The following GRB10 variants were observed in gnomAD, a reference collection of about 807,000 sequenced individuals.
GRB10 encodes the protein growth factor receptor bound protein 10, also known as growth factor receptor-bound protein 10.
A neutral mutation model predicts 80.9 loss-of-function variants in GRB10; 20 were observed. That is an observed-to-expected ratio of 0.25 (90% CI 0.17 to 0.36). The LOEUF (loss-of-function observed/expected upper bound fraction) is 0.36, where lower values mean the gene tolerates loss of function less well. Among genes scored for constraint, GRB10 ranks in the 10% least tolerant of loss-of-function variants. GRB10 has a pLI of 1.00. For missense variants in GRB10, 548 were observed against 747.7 expected, an observed-to-expected ratio of 0.73 and a Z score of 3.12; for synonymous variants, 291 against 291.5, an observed-to-expected ratio of 1.00 and a Z score of 0.02.
chr7:50,764,121 C>T lies in GRB10; in HGVS notation c.-216-8065G>A, dbSNP rs528257015. Among the ~76,000 whole-genome samples the T allele has an allele frequency of 2.0e-5, 3 of 151,868 alleles. No individual in the cohort carries two copies. The East Asian group carries it at 5.8e-4, about 29-fold the overall frequency. ...GCCTTGTATTTGGAATTTTTTCAAA[C>T]ACCTGTGGCCCCAGCTGCCTTCCAC... On this transcript the variant is annotated intron_variant, in intron 2 of 18. Transcript: ENST00000401949.
intron 1 of GRB10, chr7:50,792,621 C>A: frequency 2.5e-6 from 1 of 397,006 alleles, no homozygotes; most frequent in African/African-American, 2.1e-5. Context: ...TAGGCCCCAG[C>A]GGCGGCTAAC....
chr7:50,729,254 T>C (rs747378830), intron 4 of GRB10: 1 of 152,194 alleles, frequency 6.6e-6, no homozygotes, highest in African/African-American at 2.4e-5. Context: ...ACTATGAAAA[T>C]AAAAACATTG....
At chr7:50,697,363 A>C (rs969871203) in intron 5 of GRB10, among the ~76,000 whole-genome samples, 1 of 152,212 alleles carries the variant, frequency 6.6e-6, no homozygotes, top group Non-Finnish European at 1.5e-5. Context: ...GCTATTGCAA[A>C]ACCACCCCCT....
intron 3 of GRB10, among the ~76,000 whole-genome samples, chr7:50,751,110 G>T (rs79565300): frequency 0.012 from 1,757 of 152,116 alleles, 13 homozygotes; most frequent in Middle Eastern, 0.054. Flanking sequence ...TCCCAGCCTC[G>T]ACTTGCCTTG....
intron 15 of GRB10, chr7:50,604,902 C>G: frequency 3.3e-6 from 1 of 299,364 alleles, no homozygotes; most frequent in Non-Finnish European, 6.3e-6. Flanking sequence ...GGGAGTGGCC[C>G]AAGGCCTCCA....
At chr7:50,728,732 A>G (rs6593139) in intron 4 of GRB10, among the ~76,000 whole-genome samples, 142,723 of 152,210 alleles carry the variant, frequency 0.94, 67,028 homozygotes, top group African/African-American at 0.98. Context: ...ATGCAGTGGC[A>G]CGATCTTGGC....
chr7:50,603,366 T>C lies in GRB10; in HGVS notation c.1544+632A>G, dbSNP rs146944083. Among the ~76,000 whole-genome samples the C allele has an allele frequency of 3.8e-3, 580 of 152,344 alleles. 4 individuals carry two copies. Among genetic ancestry groups the C allele is most frequent in the Admixed American group, 7.9e-3 (121 of 15,292 alleles). ...AACGGGATGGTGGCAAATGTGATGG[T>C]ACGAGAATCTTGAGAAGTCTCGTGC... On this transcript the variant is annotated intron_variant, in intron 17 of 18. Transcript: ENST00000401949.
chr7:50,668,248 T>C (rs1199818829), intron 7 of GRB10, among the ~76,000 whole-genome samples: 2 of 152,170 alleles, frequency 1.3e-5, no homozygotes, highest in Non-Finnish European at 2.9e-5. Flanking sequence ...AGACCTTGCA[T>C]GGCACAGGAC....
chr7:50,662,428 C>G (rs1475589274), intron 7 of GRB10, among the ~76,000 whole-genome samples: 1 of 152,242 alleles, frequency 6.6e-6, no homozygotes, highest in Non-Finnish European at 1.5e-5. Flanking sequence ...AAATCCATCT[C>G]CTTTCAGCAG....
rs2078981367 is a variant in GRB10, at chr7:50,792,711, G to C, written c.-294+513C>G. 5 of 357,214 alleles carry C rather than the reference G, an allele frequency of 1.4e-5. No individual in the cohort carries two copies. In the South Asian group the frequency reaches 7.5e-4, roughly 54 times the overall value. 22.1% of individuals were successfully genotyped at this position (357,214 alleles called of 1,614,324 possible). A position where few individuals can be genotyped will look rare whatever the true frequency, so the allele number is the denominator to read the frequency against. ...GGATTTGGGAGTGTCTGGCACCACTGTCCCGGACGCCCGGACGCCCGGGCG... is the reference window on the plus strand; with the variant it reads ...GGATTTGGGAGTGTCTGGCACCACTCTCCCGGACGCCCGGACGCCCGGGCG... On this transcript the variant is annotated intron_variant, in intron 1 of 16. Transcript: ENST00000335866.
At chr7:50,756,566 G>A (rs2075117929) in intron 2 of GRB10, among the ~76,000 whole-genome samples, 2 of 152,198 alleles carry the variant, frequency 1.3e-5, no homozygotes, top group South Asian at 4.1e-4. Flanking sequence ...CACGAGAGGG[G>A]TGCAGAGCAG....
intron 7 of GRB10, among the ~76,000 whole-genome samples, chr7:50,661,668 G>A (rs1373984787): frequency 6.6e-6 from 1 of 152,168 alleles, no homozygotes; most frequent in Non-Finnish European, 1.5e-5. Context: ...CCTGCTCTTG[G>A]TTTCTGCTTC....
intron 7 of GRB10, among the ~76,000 whole-genome samples, chr7:50,632,949 C>A (rs1262940116): frequency 5.3e-5 from 8 of 152,094 alleles, no homozygotes; most frequent in African/African-American, 1.9e-4. Context: ...CCAGCTCTGC[C>A]GCCCCCAGCC....
chr7:50,747,426 A>G (rs1319588619), intron 3 of GRB10, among the ~76,000 whole-genome samples: 19 of 152,188 alleles, frequency 1.2e-4, no homozygotes, highest in Admixed American at 1.2e-3. Context: ...TGCTTCTTTG[A>G]GCCTTTAATC....
At chr7:50,636,139 G>A (rs180864369) in intron 7 of GRB10, among the ~76,000 whole-genome samples, 3 of 151,856 alleles carry the variant, frequency 2.0e-5, no homozygotes, top group East Asian at 1.9e-4. Context: ...CACCACACCT[G>A]GCTAATTTTT....
chr7:50,746,259 G>A (rs1024531), intron 3 of GRB10, among the ~76,000 whole-genome samples: 88,559 of 151,964 alleles, frequency 0.58, 28,543 homozygotes, highest in Middle Eastern at 0.82. Context: ...AACACTTGTC[G>A]ATTTCACACC....
chr7:50,699,820 C>T (rs777932456), intron 5 of GRB10, among the ~76,000 whole-genome samples: 3 of 152,256 alleles, frequency 2.0e-5, no homozygotes, highest in Non-Finnish European at 2.9e-5. Context: ...AGAGTGTACA[C>T]ACTCTTAGCA....
chr7:50,636,024 G>A lies in GRB10; in HGVS notation c.505-9046C>T, dbSNP rs562021041. 1.0e-4 allele frequency among the ~76,000 whole-genome samples: 13 copies of A among 125,004 alleles called. No homozygotes were observed. The East Asian group carries it at 3.2e-3, about 31-fold the overall frequency. 82.0% of individuals were successfully genotyped at this position (125,004 alleles called of 152,430 possible). On this transcript the variant is annotated intron_variant, in intron 7 of 18. Transcript: ENST00000401949. ...GTCTCATTCTGTCTCCCAGGCTGGA[G>A]TGCAGTGCAGTGGTGCAATCTCAGC...
At chr7:50,778,062 T>C (rs1001117156) in intron 2 of GRB10, among the ~76,000 whole-genome samples, 1 of 152,172 alleles carries the variant, frequency 6.6e-6, no homozygotes, top group Admixed American at 6.5e-5. Flanking sequence ...GTTCTACACA[T>C]GTATCCCGGA....
Sources: gnomAD v4.1 joint callset for allele counts (sites outside exome capture counted in the v4.1 genomes callset) on GRCh38, gnomAD v4.1.1 for gene constraint, MANE v1.5 for transcripts, NCBI Gene and HGNC (gene_info 2026-07-23, HGNC 2026-07-21) for gene names.